PLPPR1: variants seen among roughly 807,000 people sequenced by gnomAD.
The protein encoded by PLPPR1 is phospholipid phosphatase related 1, also known as phospholipid phosphatase-related protein type 1.
A neutral mutation model predicts 33.1 loss-of-function variants in PLPPR1; 10 were observed. That is an observed-to-expected ratio of 0.30 (90% CI 0.19 to 0.51). The LOEUF is 0.51. Ranked by LOEUF, PLPPR1 falls within the 20% of genes least tolerant of loss-of-function variation. PLPPR1 has a pLI of 0.97. For synonymous variants in PLPPR1, 151 were observed against 151.0 expected (o/e 1.00, Z 0.00); for missense variants, 304 against 408.1 (o/e 0.74, Z 2.20).
rs573891838 is a variant in PLPPR1 at position 101,192,859 on chromosome 9, T to C, written c.63+7302T>C. 2.0e-5 allele frequency among the ~76,000 whole-genome samples: 3 copies of C among 152,292 alleles called. No individual in the cohort carries two copies. In the South Asian group the frequency reaches 6.2e-4, roughly 32 times the overall value. On this transcript the variant is annotated intron_variant, in intron 2 of 7. Coordinates refer to ENST00000374874, the MANE Select transcript of PLPPR1 (RefSeq NM_207299.2). ...GTATTTTAAATTGCAATGACAAATA[T>C]AAAGTACTTCTGCATGCATTTTCTT...
intron 1 of PLPPR1, among the ~76,000 whole-genome samples, chr9:101,173,755 C>G (rs150375829): frequency 9.1e-4 from 138 of 152,194 alleles, no homozygotes; most frequent in African/African-American, 3.2e-3. Context: ...CCTTTTTTCT[C>G]TCTCCCCTTG....
intron 1 of PLPPR1, among the ~76,000 whole-genome samples, chr9:101,051,252 C>T (rs1027865263): frequency 4.8e-5 from 7 of 145,058 alleles, no homozygotes; most frequent in Non-Finnish European, 8.9e-5. Flanking sequence ...TTTGTTACTA[C>T]TACTACTACT....
At chr9:101,066,577 T>C (rs139743065) in intron 1 of PLPPR1, among the ~76,000 whole-genome samples, 35 of 152,208 alleles carry the variant, frequency 2.3e-4, no homozygotes, top group Non-Finnish European at 1.5e-5. Flanking sequence ...CATGGATGCT[T>C]ATTATATACT....
chr9:101,081,703 G>T (rs372301909), intron 1 of PLPPR1, among the ~76,000 whole-genome samples: 4 of 152,218 alleles, frequency 2.6e-5, no homozygotes, highest in African/African-American at 7.2e-5. Context: ...GTCCAATTCT[G>T]TTTCTGCTTA....
intron 1 of PLPPR1, among the ~76,000 whole-genome samples, chr9:101,040,437 C>T (rs187048370): frequency 2.6e-5 from 4 of 152,230 alleles, no homozygotes; most frequent in African/African-American, 7.2e-5. Context: ...ATTTCTTCCC[C>T]TTCTTGGTGA....
chr9:101,311,992 G>C (rs943990231), intron 5 of PLPPR1, among the ~76,000 whole-genome samples: 1 of 152,164 alleles, frequency 6.6e-6, no homozygotes, highest in Non-Finnish European at 1.5e-5. Flanking sequence ...CCTGTAAAAC[G>C]TCAGAGTCTT....
chr9:101,291,562 T>G (rs1828509223), intron 4 of PLPPR1, among the ~76,000 whole-genome samples: 1 of 152,122 alleles, frequency 6.6e-6, no homozygotes, highest in African/African-American at 2.4e-5. Context: ...GACTGACACC[T>G]CACACGGCCG....
At position 101,108,158 on chromosome 9, in the gene PLPPR1, C is replaced by T. The variant is rs370307934; in HGVS notation, c.-45-77292C>T. On this transcript the variant is annotated intron_variant, in intron 1 of 7. Coordinates refer to ENST00000374874, the MANE Select transcript of PLPPR1 (RefSeq NM_207299.2). ...TAGACCGGAGCTGTTCCTATTCGGC[C>T]ATCTTGGCTCCTCCCCTCAGGAACA... Among the ~76,000 whole-genome samples, 5 of 146,896 alleles carry T rather than the reference C, an allele frequency of 3.4e-5. No homozygotes were observed. The East Asian group carries it at 7.7e-4, about 23-fold the overall frequency.
intron 2 of PLPPR1, among the ~76,000 whole-genome samples, chr9:101,197,229 T>C (rs773974592): frequency 5.6e-4 from 85 of 152,242 alleles, no homozygotes; most frequent in Non-Finnish European, 9.9e-4. Context: ...CATGTAAAGT[T>C]GCCTCACCCT....
intron 4 of PLPPR1, among the ~76,000 whole-genome samples, chr9:101,303,838 C>T (rs772546317): frequency 3.7e-4 from 57 of 152,152 alleles, no homozygotes; most frequent in Non-Finnish European, 4.9e-4. Context: ...TATGTGCCCA[C>T]GTGTTAATAC....
intron 2 of PLPPR1, among the ~76,000 whole-genome samples, chr9:101,217,868 T>C (rs1826835210): frequency 6.6e-6 from 1 of 152,174 alleles, no homozygotes; most frequent in Non-Finnish European, 1.5e-5. Context: ...TAAATTTCTA[T>C]ATTAATAGAA....
intron 1 of PLPPR1, among the ~76,000 whole-genome samples, chr9:101,063,769 C>T (rs1203308323): frequency 1.3e-5 from 2 of 152,050 alleles, no homozygotes; most frequent in African/African-American, 4.8e-5. Context: ...TCAAAGACAC[C>T]TTTCTTAATC....
At position 101,164,568 on chromosome 9, in the gene PLPPR1, A is replaced by T. The variant is rs7871991; in HGVS notation, c.-45-20882A>T. The stretch of plus-strand genomic sequence containing the variant: ...TTTTTAGTAGAGACAGGGTTTTGCC[A>T]TGTTGGCTAGACTGGTCTCGAACTC... On this transcript the variant is annotated intron_variant, in intron 1 of 7. Coordinates refer to ENST00000374874, the MANE Select transcript of PLPPR1 (RefSeq NM_207299.2). Among the ~76,000 whole-genome samples, 1,111 of 151,972 alleles carry T rather than the reference A, an allele frequency of 7.3e-3. 8 individuals are homozygous for T. Among genetic ancestry groups the T allele is most frequent in the African/African-American group, 0.023 (967 of 41,444 alleles).
intron 1 of PLPPR1, among the ~76,000 whole-genome samples, chr9:101,117,162 A>G (rs1217575907): frequency 6.6e-6 from 1 of 152,176 alleles, no homozygotes; most frequent in Non-Finnish European, 1.5e-5. Context: ...GAGGCTGGGT[A>G]AAATGAGGCT....
intron 1 of PLPPR1, among the ~76,000 whole-genome samples, chr9:101,071,081 G>A (rs1215819662): frequency 6.6e-6 from 1 of 152,128 alleles, no homozygotes; most frequent in East Asian, 1.9e-4. Flanking sequence ...AGTGGACCCA[G>A]GAATGGGGAG....
chr9:101,041,555 A>C (rs541110115), intron 1 of PLPPR1, among the ~76,000 whole-genome samples: 1 of 152,292 alleles, frequency 6.6e-6, no homozygotes, highest in East Asian at 1.9e-4. Flanking sequence ...TTAAGTGTGA[A>C]TGTACCTCTG....
At chr9:101,190,660 C>T (rs1190393118) in intron 2 of PLPPR1, among the ~76,000 whole-genome samples, 1 of 152,096 alleles carries the variant, frequency 6.6e-6, no homozygotes, top group Non-Finnish European at 1.5e-5. Context: ...GGGACTCACC[C>T]AGAAGGCTGA....
At position 101,091,524 on chromosome 9, in the gene PLPPR1, C is replaced by A. The variant is rs191410199; in HGVS notation, c.-46+62422C>A. On this transcript the variant is annotated intron_variant, in intron 1 of 7. Coordinates refer to ENST00000374874, the MANE Select transcript of PLPPR1 (RefSeq NM_207299.2). Reference sequence around the variant, plus strand: ...GCAAGTTCAGCCTAAGTCCTTCTTACACTGCCAATTCCTCTGGCTCTCTCT... The same window carrying A: ...GCAAGTTCAGCCTAAGTCCTTCTTAAACTGCCAATTCCTCTGGCTCTCTCT... Among the ~76,000 whole-genome samples, 3 of 152,274 alleles carry A rather than the reference C, an allele frequency of 2.0e-5. No individual in the cohort carries two copies. In the East Asian group the frequency reaches 5.8e-4, roughly 30 times the overall value.
chr9:101,275,502 G>A (rs187090784), intron 3 of PLPPR1, among the ~76,000 whole-genome samples: 356 of 152,298 alleles, frequency 2.3e-3, no homozygotes, highest in Middle Eastern at 6.8e-3. Flanking sequence ...GAGCATGGGG[G>A]ATTTACTGTG....
Sources: allele counts gnomAD v4.1 joint callset (sites outside exome capture counted in the v4.1 genomes callset), GRCh38; gene constraint gnomAD v4.1.1; transcripts MANE v1.5; gene names NCBI Gene and HGNC (gene_info 2026-07-23, HGNC 2026-07-21).